CHST12: variants seen among roughly 807,000 people sequenced by gnomAD.
The protein encoded by CHST12 is carbohydrate sulfotransferase 12.
CHST12 carries 23 observed loss-of-function variants against 27.9 expected under a neutral mutation model. The observed-to-expected ratio is 0.82, with a 90% CI of 0.59 to 1.17. The LOEUF (loss-of-function observed/expected upper bound fraction) is 1.17. CHST12 is among the 50% of genes most tolerant of loss of function. The pLI is 0.00. For missense variants in CHST12, 682 were observed against 603.0 expected (o/e 1.13, Z -1.37); for synonymous variants, 322 against 273.0 (o/e 1.18, Z -1.77).
In CHST12 at chr7:2,432,751, AC is replaced by A. The variant is rs1782315387; in HGVS notation, c.113del (p.Thr38SerfsTer41). On this transcript the variant is annotated frameshift_variant, in exon 2 of 2. Coordinates refer to ENST00000618655, the MANE Select transcript of CHST12 (RefSeq NM_018641.5). LOFTEE classifies it high-confidence loss of function. The part of the protein sequence containing the change: ...SAGAAHFYLH[T>X]SFSRPHTGPP... ...AGGCGCCGCGCACTTCTACTTGCAC[AC>A]GTCCTTCTCTAGGCCGCACACGGGG... 5.0e-6 allele frequency: 8 copies of A among 1,613,790 alleles called. No homozygotes were observed. The highest frequency in any genetic ancestry group is 6.8e-6 in the Non-Finnish European group (8 of 1,179,822).
chr7:2,425,203 C>CAAAAAA (rs144902925), intron 1 of CHST12, among the ~76,000 whole-genome samples: 1 of 72,012 alleles, frequency 1.4e-5, no homozygotes, highest in South Asian at 4.3e-4. Flanking sequence ...GACTCCGTCT[C>CAAAAAA]AAAAAAAAAA....
In CHST12 at chr7:2,433,728, C is replaced by T. The variant is rs753076119; in HGVS notation, c.1089C>T (p.Arg363=). Reference sequence around the variant, plus strand: ...TACTCCAGGTGGACCGGCAGCTCCGCTTCCCCCCGAGCTACCGGAACAGGA... The same window carrying T: ...TACTCCAGGTGGACCGGCAGCTCCGTTTCCCCCCGAGCTACCGGAACAGGA... ...LQLLQVDRQL[R]FPPSYRNRTA... Residue 363 remains arginine, a synonymous_variant, in exon 2 of 2, where the codon CGC becomes CGT. Coordinates refer to ENST00000618655, the MANE Select transcript of CHST12 (RefSeq NM_018641.5). The surrounding 1 kb of genome is among the most constrained non-coding windows in gnomAD (Gnocchi z 6.1). The T allele has an allele frequency of 6.2e-7, 1 of 1,613,684 alleles. No homozygotes were observed. Among genetic ancestry groups the T allele is most frequent in the Non-Finnish European group, 8.5e-7 (1 of 1,179,952 alleles).
intron 1 of CHST12, among the ~76,000 whole-genome samples, chr7:2,417,299 A>G (rs1006619032): frequency 2.7e-5 from 4 of 146,342 alleles, no homozygotes; most frequent in African/African-American, 1.0e-4. Context: ...ATCTCAGCTC[A>G]CTGCAACCTC....
Position 2,442,189 on chromosome 7 carries a change from G to A in CHST12, c.*8305G>A, listed in dbSNP as rs1225816837. On this transcript the variant is annotated 3_prime_UTR_variant, in exon 2 of 2. Transcript: ENST00000618655. ...CTTCATGTAGTATAATGTCTTCAAG[G>A]TTCATTCATGTTGTAGTCAGGATCA... 1 of 152,108 alleles carries A rather than the reference G, an allele frequency of 6.6e-6. No individual in the cohort carries two copies. The highest frequency in any genetic ancestry group is 1.5e-5 in the Non-Finnish European group (1 of 68,046). 9.4% of individuals were successfully genotyped at this position (152,108 alleles called of 1,614,324 possible).
In CHST12 at chr7:2,440,991, CGGCTGTGGCTCTCA is replaced by C. The variant is rs1322981844; in HGVS notation, c.*7116_*7129del. On this transcript the variant is annotated 3_prime_UTR_variant, in exon 2 of 2. Transcript: ENST00000618655. Reference sequence around the variant, plus strand: ...GCACCATCCTTGCTTAGGAGAGACACGGCTGTGGCTCTCAGGCTGTGGGGCAATGTTCTGCTTAT... The same window carrying C: ...GCACCATCCTTGCTTAGGAGAGACACGGCTGTGGGGCAATGTTCTGCTTAT... The C allele has an allele frequency of 1.3e-5, 2 of 152,170 alleles. No homozygotes were observed. Among genetic ancestry groups the C allele is most frequent in the East Asian group, 3.8e-4 (2 of 5,198 alleles). 9.4% of individuals were successfully genotyped at this position (152,170 alleles called of 1,614,324 possible).
chr7:2,413,486 A>G (rs1781721686), intron 1 of CHST12, among the ~76,000 whole-genome samples: 3 of 152,206 alleles, frequency 2.0e-5, no homozygotes, highest in African/African-American at 7.2e-5. Flanking sequence ...TGCCTCTGCA[A>G]TCAAACAGTA....
chr7:2,414,143 G>A (rs1210947980), intron 1 of CHST12, among the ~76,000 whole-genome samples: 1 of 151,858 alleles, frequency 6.6e-6, no homozygotes, highest in South Asian at 2.1e-4. Flanking sequence ...CAAATTTTTT[G>A]CTTATTTTTT....
At chr7:2,405,412 C>G (rs189748652) in intron 1 of CHST12, among the ~76,000 whole-genome samples, 37 of 152,268 alleles carry the variant, frequency 2.4e-4, no homozygotes, top group African/African-American at 8.9e-4. Flanking sequence ...CCTCTGCACT[C>G]CAGCCTGGGC....
chr7:2,410,943 C>G (rs1027883942), intron 1 of CHST12, among the ~76,000 whole-genome samples: 3 of 151,954 alleles, frequency 2.0e-5, no homozygotes, highest in Admixed American at 1.3e-4. Context: ...AGCAGGGAGA[C>G]TGGTTTGGAG....
At chr7:2,408,228 G>T (rs1238190144) in intron 1 of CHST12, among the ~76,000 whole-genome samples, 2 of 151,988 alleles carry the variant, frequency 1.3e-5, no homozygotes, top group African/African-American at 4.8e-5. Context: ...CAGGTATGGT[G>T]GCAGGTGCCT....
intron 1 of CHST12, among the ~76,000 whole-genome samples, chr7:2,427,088 G>A (rs977900488): frequency 1.3e-5 from 2 of 149,154 alleles, no homozygotes; most frequent in Middle Eastern, 3.5e-3. Flanking sequence ...GCCAGGCTGA[G>A]GCATGAGAAT....
rs780061144 is a variant in CHST12, at chr7:2,433,835, A to G, written c.1196A>G (p.Asp399Gly). 6.2e-7 allele frequency: 1 copy of G among 1,605,334 alleles called. No homozygotes were observed. Among genetic ancestry groups the G allele is most frequent in the Non-Finnish European group, 8.5e-7 (1 of 1,173,978 alleles). The part of the protein sequence containing the change: ...RQQLYKLYEA[D>G]FVLFGYPKPE... ...CAGCTGTATAAACTCTACGAGGCCGACTTTGTTCTCTTCGGCTACCCCAAG... is the reference window on the plus strand; with the variant it reads ...CAGCTGTATAAACTCTACGAGGCCGGCTTTGTTCTCTTCGGCTACCCCAAG... The change falls in exon 2 of 2, where the codon GAC becomes GGC. Residue 399 changes from aspartate (D) to glycine (G), a missense_variant. Transcript: ENST00000618655. This position sits in a 1 kb window ranked among gnomAD's most constrained non-coding sequence, Gnocchi z 6.1.
intron 1 of CHST12, among the ~76,000 whole-genome samples, chr7:2,429,246 G>T (rs553712248): frequency 6.6e-6 from 1 of 152,248 alleles, no homozygotes; most frequent in East Asian, 1.9e-4. Context: ...ATAGTTTCAG[G>T]GGGTCTCCCT....
At chr7:2,418,364 C>T (rs558014453) in intron 1 of CHST12, among the ~76,000 whole-genome samples, 29 of 152,324 alleles carry the variant, frequency 1.9e-4, no homozygotes, top group African/African-American at 6.3e-4. Flanking sequence ...GCACCTCCAC[C>T]GCTACAGTTT....
intron 1 of CHST12, among the ~76,000 whole-genome samples, chr7:2,415,473 A>G (rs1781778497): frequency 6.6e-6 from 1 of 152,244 alleles, no homozygotes; most frequent in South Asian, 2.1e-4. Flanking sequence ...AATATTGCTA[A>G]AAAATGCTAA....
chr7:2,423,728 C>A (rs1782036434), intron 1 of CHST12, among the ~76,000 whole-genome samples: 1 of 152,158 alleles, frequency 6.6e-6, no homozygotes, highest in Admixed American at 6.5e-5. Context: ...ATGTGGAAGC[C>A]CACCACCCTC....
In CHST12 at chr7:2,433,698, G is replaced by GCAGCTACTC. The variant is rs775720824; in HGVS notation, c.1063_1071dup (p.Leu355_Gln357dup). 6.2e-7 allele frequency: 1 copy of GCAGCTACTC among 1,613,454 alleles called. No homozygotes were observed. The highest frequency in any genetic ancestry group is 8.5e-7 in the Non-Finnish European group (1 of 1,179,728). ...TGGACGAGGACGCCGCGCAGCTGCTGCAGCTACTCCAGGTGGACCGGCAGC... is the reference window on the plus strand; with the variant it reads ...TGGACGAGGACGCCGCGCAGCTGCTGCAGCTACTCCAGCTACTCCAGGTGGACCGGCAGC... On this transcript the variant is annotated inframe_insertion, in exon 2 of 2. Transcript: ENST00000618655. This position sits in a 1 kb window ranked among gnomAD's most constrained non-coding sequence, Gnocchi z 6.1.
chr7:2,413,410 C>G (rs1261795077), intron 1 of CHST12, among the ~76,000 whole-genome samples: 6 of 152,208 alleles, frequency 3.9e-5, no homozygotes, highest in Non-Finnish European at 8.8e-5. Flanking sequence ...GATTTACATG[C>G]AATAAAACGT....
chr7:2,434,123 C>G lies in CHST12; in HGVS notation c.*239C>G, dbSNP rs953942473. 4.4e-5 allele frequency: 15 copies of G among 344,582 alleles called. No individual in the cohort carries two copies. Among genetic ancestry groups the G allele is most frequent in the Non-Finnish European group, 7.6e-5 (14 of 183,876 alleles). 21.3% of individuals were successfully genotyped at this position (344,582 alleles called of 1,614,324 possible). On this transcript the variant is annotated 3_prime_UTR_variant, in exon 2 of 2. Coordinates refer to ENST00000618655, the MANE Select transcript of CHST12 (RefSeq NM_018641.5). ...CCCTCCGCCCGCCCACCCGCCCGCC[C>G]GCTCGCCCGCTCGCCCGCTCCTGTG... is the stretch of plus-strand genomic sequence containing the variant.
Sources: gnomAD v4.1 joint callset for allele counts (sites outside exome capture counted in the v4.1 genomes callset) on GRCh38, gnomAD v4.1.1 for gene constraint, Gnocchi (gnomAD v3.1) non-coding constraint, MANE v1.5 for transcripts, NCBI Gene and HGNC (gene_info 2026-07-23, HGNC 2026-07-21) for gene names.